Variants in CDH12 observed in about 807,000 individuals in gnomAD.
CDH12 encodes cadherin-12.
In CDH12, 41 loss-of-function variants were observed where a neutral mutation model predicts 74.1. The ratio of observed to expected loss-of-function variants is 0.55; its 90% CI spans 0.43 to 0.72. CDH12 has a LOEUF of 0.72. Ranked by LOEUF, CDH12 falls within the 30% of genes least tolerant of loss-of-function variation. The probability of loss-of-function intolerance (pLI) is 0.00; values close to 1 mark genes in which losing one functional copy is unlikely to be tolerated. For missense variants in CDH12, 945 were observed against 977.2 expected, an observed-to-expected ratio of 0.97 and a Z score of 0.44; for synonymous variants, 399 against 355.0, an observed-to-expected ratio of 1.12 and a Z score of -1.39.
intron 9 of CDH12, among the ~76,000 whole-genome samples, chr5:21,804,770 T>G (rs1747340717): frequency 6.6e-6 from 1 of 151,918 alleles, no homozygotes; most frequent in Non-Finnish European, 1.5e-5. Flanking sequence ...GACTTGCCTC[T>G]CAATTCATTC....
intron 6 of CDH12, among the ~76,000 whole-genome samples, chr5:21,920,667 T>TATAATAATAATA (rs149078574): frequency 0.015 from 2,239 of 145,504 alleles, 30 homozygotes; most frequent in East Asian, 0.021. Flanking sequence ...GAACTTAAAG[T>TATAATAATAATA]ATGATAATAA....
chr5:22,349,407 C>T (rs531466118), intron 3 of CDH12, among the ~76,000 whole-genome samples: 1 of 152,194 alleles, frequency 6.6e-6, no homozygotes, highest in South Asian at 2.1e-4. Context: ...TCTCTTTCTC[C>T]ATTCTTATAT....
chr5:22,633,612 A>G (rs1738690381), intron 1 of CDH12, among the ~76,000 whole-genome samples: 1 of 152,266 alleles, frequency 6.6e-6, no homozygotes, highest in African/African-American at 2.4e-5. Flanking sequence ...AAATAGAATG[A>G]AAAGGTGGAG....
chr5:22,587,319 C>G (rs924578661), intron 1 of CDH12, among the ~76,000 whole-genome samples: 8 of 152,072 alleles, frequency 5.3e-5, no homozygotes, highest in Non-Finnish European at 4.4e-5. Context: ...TCACCTCGAC[C>G]TTGGCCTTCC....
intron 2 of CDH12, among the ~76,000 whole-genome samples, chr5:22,470,927 G>A (rs939708953): frequency 6.7e-6 from 1 of 150,080 alleles, no homozygotes; most frequent in Non-Finnish European, 1.5e-5. Flanking sequence ...CTAAATTTGT[G>A]TGGAGAAAAA....
intron 1 of CDH12, among the ~76,000 whole-genome samples, chr5:22,688,310 A>G (rs1303847353): frequency 6.6e-6 from 1 of 152,242 alleles, no homozygotes; most frequent in Middle Eastern, 3.2e-3. Flanking sequence ...ATGTAAACAT[A>G]TAATTATTTT....
chr5:22,354,389 T>C (rs1375605151), intron 3 of CDH12, among the ~76,000 whole-genome samples: 1 of 152,132 alleles, frequency 6.6e-6, no homozygotes, highest in Non-Finnish European at 1.5e-5. Flanking sequence ...GGAAATAAAG[T>C]TTATTGTCAG....
chr5:22,354,245 A>G (rs1356024731), intron 3 of CDH12, among the ~76,000 whole-genome samples: 1 of 152,216 alleles, frequency 6.6e-6, no homozygotes, highest in Non-Finnish European at 1.5e-5. Flanking sequence ...TTCAGTATAT[A>G]AGCACCAGAG....
At position 22,464,463 on chromosome 5, in the gene CDH12, A is replaced by G. The variant is rs564093146; in HGVS notation, c.-428+40807T>C. Among the ~76,000 whole-genome samples the G allele has an allele frequency of 4.0e-5, 6 of 151,776 alleles. No homozygotes were observed. In the East Asian group the frequency reaches 1.2e-3, roughly 29 times the overall value. On this transcript the variant is annotated intron_variant, in intron 2 of 14. Transcript: ENST00000382254. ...CAGAAAAACTCATGCTGTTTAAGCT[A>G]CTCCCCCTTCAAATTAATGAAATTC...
At chr5:22,646,446 A>G (rs72746663) in intron 1 of CDH12, among the ~76,000 whole-genome samples, 157 of 152,010 alleles carry the variant, frequency 1.0e-3, no homozygotes, top group Non-Finnish European at 2.0e-3. Context: ...TCTGAATTAT[A>G]ATCATCCTCT....
intron 3 of CDH12, among the ~76,000 whole-genome samples, chr5:22,271,226 A>G (rs1278938108): frequency 1.3e-5 from 2 of 152,152 alleles, no homozygotes; most frequent in Non-Finnish European, 2.9e-5. Flanking sequence ...AACATTGTTC[A>G]AAGCATCTTC....
chr5:22,586,637 A>C (rs1740418129), intron 1 of CDH12, among the ~76,000 whole-genome samples: 1 of 151,694 alleles, frequency 6.6e-6, no homozygotes, highest in Non-Finnish European at 1.5e-5. Flanking sequence ...GCTCTGCTGA[A>C]TTTTTCTCAT....
At chr5:22,835,857 A>G (rs1245952657) in intron 1 of CDH12, among the ~76,000 whole-genome samples, 2 of 152,172 alleles carry the variant, frequency 1.3e-5, no homozygotes, top group Non-Finnish European at 2.9e-5. Context: ...GGAGGACTGG[A>G]CAATAAAGAG....
intron 1 of CDH12, among the ~76,000 whole-genome samples, chr5:22,554,792 C>T (rs1049664103): frequency 7.9e-5 from 12 of 152,016 alleles, no homozygotes; most frequent in Admixed American, 2.0e-4. Context: ...ATATCTATGG[C>T]TGTGATATGA....
chr5:21,773,400 G>C (rs1473613734), intron 11 of CDH12, among the ~76,000 whole-genome samples: 1 of 152,152 alleles, frequency 6.6e-6, no homozygotes, highest in Non-Finnish European at 1.5e-5. Context: ...ATAAAAGAAG[G>C]CAGAAGAACG....
At chr5:21,912,516 G>A (rs908378045) in intron 6 of CDH12, among the ~76,000 whole-genome samples, 4 of 152,142 alleles carry the variant, frequency 2.6e-5, no homozygotes, top group African/African-American at 9.7e-5. Context: ...ACTAAGGAGA[G>A]GTTTGCCCAA....
rs535001653 is a variant in CDH12 at position 22,542,621 on chromosome 5, T to G, written c.-522-37257A>C. Among the ~76,000 whole-genome samples, 19 of 152,292 alleles carry G rather than the reference T, an allele frequency of 1.2e-4. No homozygotes were observed. In the East Asian group the frequency reaches 3.7e-3, roughly 29 times the overall value. On this transcript the variant is annotated intron_variant, in intron 1 of 14. Transcript: ENST00000382254. ...CACTGACAGTTCGTGTTTATCACCC[T>G]TTGGCTGCAGTGGGGAACCTTAAAA...
At chr5:22,683,850 G>A (rs1467875400) in intron 1 of CDH12, among the ~76,000 whole-genome samples, 1 of 152,198 alleles carries the variant, frequency 6.6e-6, no homozygotes, top group Admixed American at 6.5e-5. Context: ...CACCTGAAAT[G>A]AGGCAGGGCA....
intron 4 of CDH12, among the ~76,000 whole-genome samples, chr5:22,160,068 G>T (rs1156240855): frequency 6.6e-6 from 1 of 152,062 alleles, no homozygotes; most frequent in Non-Finnish European, 1.5e-5. Flanking sequence ...TGCAATATAC[G>T]TTGCTCTTCT....
Sources: gnomAD v4.1 joint callset for allele counts (sites outside exome capture counted in the v4.1 genomes callset) on GRCh38, gnomAD v4.1.1 for gene constraint, MANE v1.5 for transcripts, NCBI Gene and HGNC (gene_info 2026-07-23, HGNC 2026-07-21) for gene names.